KLHL6: variants seen among roughly 807,000 people sequenced by gnomAD.
KLHL6 encodes the protein kelch like family member 6.
Under a neutral mutation model 58.6 loss-of-function variants are expected in KLHL6, and 41 were observed. The ratio of observed to expected loss-of-function variants is 0.70; its 90% CI spans 0.55 to 0.91. KLHL6 has a LOEUF of 0.91. KLHL6 is among the 40% of genes least tolerant of loss of function. The pLI is 0.00. For synonymous variants in KLHL6, 338 were observed against 322.7 expected (o/e 1.05, Z -0.51); for missense variants, 714 against 805.6 (o/e 0.89, Z 1.38).
At chr3:183,509,208 T>C (rs1157095603) in intron 2 of KLHL6, among the ~76,000 whole-genome samples, 1 of 152,232 alleles carries the variant, frequency 6.6e-6, no homozygotes, top group Non-Finnish European at 1.5e-5. Context: ...TTAAACAATA[T>C]ATATTTTTTA....
At chr3:183,532,379 A>C (rs1413762549) in intron 1 of KLHL6, among the ~76,000 whole-genome samples, 1 of 152,198 alleles carries the variant, frequency 6.6e-6, no homozygotes, top group African/African-American at 2.4e-5. Flanking sequence ...GAGGAAATAA[A>C]CATTTCTGTT....
At chr3:183,514,070 G>A (rs1167730711) in intron 2 of KLHL6, among the ~76,000 whole-genome samples, 2 of 152,140 alleles carry the variant, frequency 1.3e-5, no homozygotes, top group African/African-American at 4.8e-5. Context: ...TTATGGCTGC[G>A]AGCATCTATT....
intron 2 of KLHL6, among the ~76,000 whole-genome samples, chr3:183,518,819 G>T (rs749709143): frequency 2.6e-5 from 4 of 152,210 alleles, no homozygotes; most frequent in Non-Finnish European, 4.4e-5. Context: ...GAGAACGGAT[G>T]ACAAAGCAAG....
At chr3:183,530,643 T>A (rs968787573) in intron 1 of KLHL6, among the ~76,000 whole-genome samples, 3 of 152,130 alleles carry the variant, frequency 2.0e-5, no homozygotes, top group Non-Finnish European at 4.4e-5. Context: ...TGAGGGAGCA[T>A]GTTCTGAAGA....
chr3:183,524,545 G>A (rs991566433), intron 2 of KLHL6, among the ~76,000 whole-genome samples: 1 of 152,190 alleles, frequency 6.6e-6, no homozygotes, highest in African/African-American at 2.4e-5. Flanking sequence ...TGATTGGTCT[G>A]TAAACCCAAG....
chr3:183,493,339 G>A (rs2662768), intron 5 of KLHL6: 29,735 of 154,866 alleles, frequency 0.19, 3,126 homozygotes, highest in Middle Eastern at 0.26. Flanking sequence ...AAGATCCTGG[G>A]CATGTCCCCC....
At chr3:183,495,579 CAAA>C (rs11459693) in intron 4 of KLHL6, among the ~76,000 whole-genome samples, 1 of 142,630 alleles carries the variant, frequency 7.0e-6, no homozygotes, top group Non-Finnish European at 1.5e-5. Context: ...TATTTTAGGA[CAAA>C]AAAAAAAAAC....
chr3:183,534,101 C>CTTTAAAAGTACTTTACTTTTAAAGTAA (rs1712263480), intron 1 of KLHL6, among the ~76,000 whole-genome samples: 2 of 137,890 alleles, frequency 1.5e-5, no homozygotes, highest in African/African-American at 5.4e-5. Flanking sequence ...TTTTAAAGTA[C>CTTTAAAAGTACTTTACTTTTAAAGTAA]TTTAAAAGTA....
chr3:183,503,261 T>A (rs73188784), intron 3 of KLHL6, among the ~76,000 whole-genome samples: 4,487 of 152,366 alleles, frequency 0.029, 86 homozygotes, highest in Non-Finnish European at 0.046. Context: ...CTGCTCCCCT[T>A]TCCCCACATC....
intron 2 of KLHL6, among the ~76,000 whole-genome samples, chr3:183,523,422 G>A (rs1711838727): frequency 1.3e-5 from 2 of 152,198 alleles, no homozygotes; most frequent in South Asian, 4.1e-4. Context: ...GGGTTCTGTG[G>A]GAGCCCCTCC....
chr3:183,531,946 G>A (rs1712178351), intron 1 of KLHL6, among the ~76,000 whole-genome samples: 1 of 152,190 alleles, frequency 6.6e-6, no homozygotes, highest in Non-Finnish European at 1.5e-5. Context: ...CTTCAGAGTT[G>A]ATGCCGGAAT....
chr3:183,543,588 T>A (rs1248626717), intron 1 of KLHL6, among the ~76,000 whole-genome samples: 1 of 152,142 alleles, frequency 6.6e-6, no homozygotes, highest in Non-Finnish European at 1.5e-5. Context: ...CTATACACAA[T>A]AATACAATAA....
chr3:183,525,020 C>T (rs977533438), intron 2 of KLHL6, among the ~76,000 whole-genome samples: 6 of 152,086 alleles, frequency 3.9e-5, no homozygotes, highest in African/African-American at 1.4e-4. Context: ...AATCCCAGCA[C>T]TTTGGGAGGC....
At position 183,492,193 on chromosome 3, in the gene KLHL6, G is replaced by A. The variant is rs751035968; in HGVS notation, c.1600C>T (p.Leu534=). ...GTCACCAGGCACCAGCTGTCTTCCAGCGGGCTGTAGGCGTACAGCGCTCTC... is the reference window on the plus strand; with the variant it reads ...GTCACCAGGCACCAGCTGTCTTCCAACGGGCTGTAGGCGTACAGCGCTCTC... The part of the protein sequence containing the change: ...AMRALYAYSP[L]EDSWCLVTQL... Residue 534 remains leucine, a synonymous_variant, in exon 7 of 7, where the codon CTG becomes TTG. Transcript: ENST00000341319. The surrounding 1 kb of genome is among the most constrained non-coding windows in gnomAD (Gnocchi z 5.9). The A allele has an allele frequency of 2.5e-6, 4 of 1,612,150 alleles. No homozygotes were observed. In the Admixed American group the frequency reaches 6.7e-5, roughly 27 times the overall value.
Position 183,554,655 on chromosome 3 carries a change from A to C in KLHL6, c.293+706T>G, listed in dbSNP as rs1000732045. 2.6e-5 allele frequency among the ~76,000 whole-genome samples: 4 copies of C among 152,354 alleles called. No individual in the cohort carries two copies. In the South Asian group the frequency reaches 8.3e-4, roughly 32 times the overall value. ...ACAAGTCATTTGACAACTCCAGAAG[A>C]GGGGCCACATCCTTTTTCTCTATGT... On this transcript the variant is annotated intron_variant, in intron 1 of 6. Coordinates refer to ENST00000341319, the MANE Select transcript of KLHL6 (RefSeq NM_130446.4).
intron 1 of KLHL6, among the ~76,000 whole-genome samples, chr3:183,554,338 C>A (rs2108703781): frequency 6.6e-6 from 1 of 152,322 alleles, no homozygotes; most frequent in East Asian, 1.9e-4. Flanking sequence ...CATCTACTTA[C>A]TATATGCTAG....
chr3:183,523,688 A>G (rs1711847576), intron 2 of KLHL6, among the ~76,000 whole-genome samples: 1 of 115,086 alleles, frequency 8.7e-6, no homozygotes, highest in Non-Finnish European at 1.8e-5. Context: ...TTTTTTTCCC[A>G]TGAGTTGTTG....
At chr3:183,537,973 G>A (rs369900942) in intron 1 of KLHL6, among the ~76,000 whole-genome samples, 9 of 152,160 alleles carry the variant, frequency 5.9e-5, no homozygotes, top group East Asian at 3.9e-4. Context: ...AAGTAGGGAC[G>A]GTCCCTAGGG....
At chr3:183,535,644 T>G (rs1246126493) in intron 1 of KLHL6, among the ~76,000 whole-genome samples, 2 of 152,210 alleles carry the variant, frequency 1.3e-5, no homozygotes, top group Admixed American at 1.3e-4. Context: ...AAAGGAGGGA[T>G]GTTCCAATGG....
Sources: allele counts gnomAD v4.1 joint callset (sites outside exome capture counted in the v4.1 genomes callset), GRCh38; gene constraint gnomAD v4.1.1; non-coding constraint Gnocchi (gnomAD v3.1); transcripts MANE v1.5; gene names NCBI Gene and HGNC (gene_info 2026-07-23, HGNC 2026-07-21).